C12orf56: variants seen among roughly 807,000 people sequenced by gnomAD.
C12orf56 encodes the protein uncharacterized protein C12orf56.
Under a neutral mutation model 69.9 loss-of-function variants are expected in C12orf56, and 71 were observed. The observed-to-expected ratio is 1.02, with a 90% confidence interval of 0.84 to 1.24. C12orf56 has a LOEUF of 1.24. Among genes scored for constraint, C12orf56 ranks in the 50% most tolerant of loss-of-function variants. The pLI, the probability that C12orf56 is intolerant of heterozygous loss-of-function variation, is 0.00. For synonymous variants in C12orf56, 276 were observed against 274.1 expected, an observed-to-expected ratio of 1.01 and a Z score of -0.07; for missense variants, 732 against 738.5, an observed-to-expected ratio of 0.99 and a Z score of 0.10.
chr12:64,350,663 AG>A (rs1283884226), intron 2 of C12orf56, among the ~76,000 whole-genome samples: 1 of 152,202 alleles, frequency 6.6e-6, no homozygotes, highest in Non-Finnish European at 1.5e-5. Flanking sequence ...GGACCTCAAA[AG>A]GAGAGGAGTT....
chr12:64,375,888 C>T (rs1307910087), intron 1 of C12orf56, among the ~76,000 whole-genome samples: 2 of 152,104 alleles, frequency 1.3e-5, no homozygotes, highest in African/African-American at 4.8e-5. Flanking sequence ...CAGCGACAAC[C>T]AGCTCAGTAG....
intron 2 of C12orf56, among the ~76,000 whole-genome samples, chr12:64,346,677 T>G (rs2039147323): frequency 1.3e-5 from 2 of 152,054 alleles, no homozygotes; most frequent in African/African-American, 4.8e-5. Flanking sequence ...AAGTTCTAAC[T>G]CTCTAATCAC....
intron 5 of C12orf56, among the ~76,000 whole-genome samples, chr12:64,311,836 G>A (rs373724614): frequency 7.9e-5 from 12 of 152,150 alleles, no homozygotes; most frequent in East Asian, 3.9e-4. Flanking sequence ...TTGTGCTTCC[G>A]AAAGATTCTT....
chr12:64,323,416 C>T, intron 3 of C12orf56, among the ~76,000 whole-genome samples: 1 of 152,270 alleles, frequency 6.6e-6, no homozygotes, highest in Middle Eastern at 3.4e-3. Context: ...ATTTCCATTT[C>T]TAAATATATC....
At position 64,338,573 on chromosome 12, in the gene C12orf56, T is replaced by C. The variant is rs2039029292; in HGVS notation, c.416-7541A>G. The C allele has an allele frequency of 5.2e-6, 8 of 1,535,254 alleles. 1 individual carries two copies. Among genetic ancestry groups the C allele is most frequent in the South Asian group, 1.1e-5 (1 of 89,002 alleles). ...TTTGAGTCTTGCTTGATTCATCAAA[T>C]TGGACATCTGAATTTTCTTCTGCTG... On this transcript the variant is annotated intron_variant, in intron 2 of 12. Transcript: ENST00000543942.
intron 5 of C12orf56, among the ~76,000 whole-genome samples, chr12:64,305,033 A>G (rs2038493397): frequency 6.6e-6 from 1 of 152,154 alleles, no homozygotes; most frequent in African/African-American, 2.4e-5. Context: ...GAATGTTGGT[A>G]CTTGCCTACT....
intron 1 of C12orf56, among the ~76,000 whole-genome samples, chr12:64,357,749 A>T (rs2039338816): frequency 6.6e-6 from 1 of 151,898 alleles, no homozygotes; most frequent in African/African-American, 2.4e-5. Context: ...AAAAATGCAA[A>T]CATTAGCGAG....
At chr12:64,325,559 A>T (rs2038828263) in intron 3 of C12orf56, among the ~76,000 whole-genome samples, 1 of 152,208 alleles carries the variant, frequency 6.6e-6, no homozygotes, top group Admixed American at 6.5e-5. Flanking sequence ...TAAAAGGCAG[A>T]ATAGTACACA....
intron 2 of C12orf56, among the ~76,000 whole-genome samples, chr12:64,341,731 C>A (rs2039077377): frequency 6.6e-6 from 1 of 152,164 alleles, no homozygotes; most frequent in Non-Finnish European, 1.5e-5. Flanking sequence ...TCTGCCCTTT[C>A]CATGATGGAA....
intron 6 of C12orf56, among the ~76,000 whole-genome samples, chr12:64,295,086 C>T (rs2038347556): frequency 6.6e-6 from 1 of 151,940 alleles, no homozygotes; most frequent in South Asian, 2.1e-4. Flanking sequence ...TTTCACCATG[C>T]TGGCCAGGCT....
At chr12:64,348,431 A>G (rs960165628) in intron 2 of C12orf56, among the ~76,000 whole-genome samples, 34 of 152,242 alleles carry the variant, frequency 2.2e-4, no homozygotes, top group Non-Finnish European at 1.2e-4. Context: ...AAAATGTCCA[A>G]GTCATCATTT....
intron 4 of C12orf56, among the ~76,000 whole-genome samples, chr12:64,313,776 G>A (rs1243983929): frequency 1.3e-5 from 2 of 151,622 alleles, no homozygotes; most frequent in East Asian, 3.9e-4. Context: ...CCGGCCCAGT[G>A]GCTCACACCT....
chr12:64,278,372 G>A (rs909686450), intron 8 of C12orf56, among the ~76,000 whole-genome samples: 3 of 151,994 alleles, frequency 2.0e-5, no homozygotes. Context: ...TGCCCGGGCT[G>A]GTCTTGAACT....
At chr12:64,342,679 T>TGAAC (rs2039090477) in intron 2 of C12orf56, among the ~76,000 whole-genome samples, 1 of 152,198 alleles carries the variant, frequency 6.6e-6, no homozygotes, top group African/African-American at 2.4e-5. Context: ...AAGCACCCAG[T>TGAAC]TCATGATAGG....
At chr12:64,383,341 C>T (rs1419686871) in intron 1 of C12orf56, among the ~76,000 whole-genome samples, 2 of 151,746 alleles carry the variant, frequency 1.3e-5, no homozygotes, top group Non-Finnish European at 2.9e-5. Context: ...CAAATAGTAC[C>T]TCTTTTGTTT....
chr12:64,279,553 T>C (rs554923948), intron 8 of C12orf56, among the ~76,000 whole-genome samples: 1 of 152,176 alleles, frequency 6.6e-6, no homozygotes, highest in African/African-American at 2.4e-5. Flanking sequence ...GGAGGGTGAG[T>C]ATAAATACCC....
chr12:64,308,976 G>A lies in C12orf56; in HGVS notation c.968+3703C>T, dbSNP rs1470814828. On this transcript the variant is annotated intron_variant, in intron 5 of 12. Coordinates refer to ENST00000543942, the MANE Select transcript of C12orf56 (RefSeq NM_001170633.2). ...GAAAGAAAGAAAGAAAGAAAGAAAA[G>A]AAAGAAAGAAAAGAAAGAAGGAAAG... is the stretch of plus-strand genomic sequence containing the variant. Among the ~76,000 whole-genome samples, 14 of 112,272 alleles carry A rather than the reference G, an allele frequency of 1.2e-4. 1 individual carries two copies. The highest frequency in any genetic ancestry group is 8.7e-4 in the South Asian group (3 of 3,462). 73.7% of individuals were successfully genotyped at this position (112,272 alleles called of 152,430 possible). A position where few individuals can be genotyped will look rare whatever the true frequency, so the allele number is the denominator to read the frequency against.
chr12:64,363,959 C>A (rs1359452113), intron 1 of C12orf56, among the ~76,000 whole-genome samples: 1 of 151,908 alleles, frequency 6.6e-6, no homozygotes, highest in Non-Finnish European at 1.5e-5. Context: ...TTGCAAAATG[C>A]TGTCTTCGTT....
intron 2 of C12orf56, among the ~76,000 whole-genome samples, chr12:64,339,559 A>G (rs1368618720): frequency 6.6e-6 from 1 of 151,556 alleles, no homozygotes; most frequent in African/African-American, 2.4e-5. Flanking sequence ...TTAAGTTTGT[A>G]TTTGTTTGTT....
Sources: gnomAD v4.1 joint callset for allele counts (sites outside exome capture counted in the v4.1 genomes callset) on GRCh38, gnomAD v4.1.1 for gene constraint, MANE v1.5 for transcripts, NCBI Gene and HGNC (gene_info 2026-07-23, HGNC 2026-07-21) for gene names.